Variants in MAF observed in about 807,000 individuals in gnomAD.
MAF encodes MAF bZIP transcription factor.
In MAF, 10 loss-of-function variants were observed where a neutral mutation model predicts 22.0. That is an observed-to-expected ratio of 0.45 (90% CI 0.28 to 0.77). The LOEUF (loss-of-function observed/expected upper bound fraction) is 0.77. MAF is among the 30% of genes least tolerant of loss of function. The pLI, the probability that MAF is intolerant of heterozygous loss-of-function variation, is 0.12. For synonymous variants in MAF, 337 were observed against 255.8 expected, an observed-to-expected ratio of 1.32 and a Z score of -3.03; for missense variants, 544 against 548.4, an observed-to-expected ratio of 0.99 and a Z score of 0.08.
At chr16:79,433,092 G>A in the MAF span, among the ~76,000 whole-genome samples, 7 of 152,102 alleles carry the variant, frequency 4.6e-5, no homozygotes, top group African/African-American at 7.2e-5. Context: ...CTGGGGCTCA[G>A]CAAAGCTACA....
chr16:79,559,928 G>C, the MAF span, among the ~76,000 whole-genome samples: 2 of 152,106 alleles, frequency 1.3e-5, no homozygotes, highest in Non-Finnish European at 2.9e-5. Flanking sequence ...TTTTGAGACA[G>C]GGTCTGGCTC....
the MAF span, among the ~76,000 whole-genome samples, chr16:79,513,058 G>A: frequency 2.8e-3 from 420 of 152,374 alleles, no homozygotes; most frequent in Non-Finnish European, 4.9e-3. Flanking sequence ...GCATAAAGTT[G>A]CCTGTAAGCA....
the MAF span, among the ~76,000 whole-genome samples, chr16:79,283,766 C>T: frequency 8.5e-5 from 13 of 152,158 alleles, no homozygotes; most frequent in East Asian, 1.9e-4. Flanking sequence ...AAGCACAGGC[C>T]GCACAGAACC....
the MAF span, among the ~76,000 whole-genome samples, chr16:79,333,802 C>A: frequency 1.3e-5 from 2 of 152,124 alleles, no homozygotes; most frequent in East Asian, 3.9e-4. Flanking sequence ...TGCTGGATCC[C>A]AGCATCTCAC....
At chr16:79,241,008 G>C in the MAF span, among the ~76,000 whole-genome samples, 2 of 152,018 alleles carry the variant, frequency 1.3e-5, no homozygotes, top group African/African-American at 4.8e-5. Context: ...TCAACAAAAA[G>C]ACATCCACTC....
the MAF span, among the ~76,000 whole-genome samples, chr16:79,248,967 T>A: frequency 6.6e-6 from 1 of 152,166 alleles, no homozygotes; most frequent in Admixed American, 6.5e-5. Flanking sequence ...AAAAATCTAC[T>A]CAGAATGCAC....
At chr16:79,433,933 G>A in the MAF span, among the ~76,000 whole-genome samples, 2 of 152,148 alleles carry the variant, frequency 1.3e-5, no homozygotes, top group Non-Finnish European at 2.9e-5. Context: ...ATGGGACATA[G>A]GCCACAGTCC....
chr16:79,455,264 T>C, the MAF span, among the ~76,000 whole-genome samples: 1 of 152,128 alleles, frequency 6.6e-6, no homozygotes. Flanking sequence ...GAAGAAAGCT[T>C]AGTATATGTT....
the MAF span, among the ~76,000 whole-genome samples, chr16:79,386,249 A>G: frequency 6.6e-5 from 10 of 152,030 alleles, no homozygotes; most frequent in Non-Finnish European, 1.3e-4. Context: ...CAATTATACA[A>G]CTCACCATAA....
chr16:79,345,684 C>T, the MAF span, among the ~76,000 whole-genome samples: 2 of 136,230 alleles, frequency 1.5e-5, no homozygotes, highest in Admixed American at 7.9e-5. Flanking sequence ...GCCAAGATCG[C>T]GCCACTGCAC....
the MAF span, among the ~76,000 whole-genome samples, chr16:79,536,893 G>A: frequency 2.0e-5 from 3 of 152,146 alleles, no homozygotes; most frequent in Admixed American, 2.0e-4. Flanking sequence ...GACCATTCAT[G>A]GATTTTGGTA....
chr16:79,541,662 G>GTTTTTT, the MAF span, among the ~76,000 whole-genome samples: 2 of 123,876 alleles, frequency 1.6e-5, no homozygotes, highest in Non-Finnish European at 1.7e-5. Context: ...GGTTTTTTTA[G>GTTTTTT]TTTTTTTTTT....
chr16:79,582,164 G>T (rs374853354), downstream of MAF, among the ~76,000 whole-genome samples: 3 of 152,260 alleles, frequency 2.0e-5, no homozygotes, highest in East Asian at 3.9e-4. Flanking sequence ...GGTGTCAGGA[G>T]AAGCCAAAAC....
chr16:79,254,071 T>C, the MAF span, among the ~76,000 whole-genome samples: 1 of 152,084 alleles, frequency 6.6e-6, no homozygotes, highest in African/African-American at 2.4e-5. Context: ...ATTTTTCTTA[T>C]TGTTTAAAAA....
At chr16:79,582,492 T>C (rs1165285752), downstream of MAF, among the ~76,000 whole-genome samples, 2 of 152,212 alleles carry the variant, frequency 1.3e-5, no homozygotes. Context: ...CAAGTTTATA[T>C]GGCATAATTA....
the MAF span, among the ~76,000 whole-genome samples, chr16:79,339,924 A>T: frequency 6.6e-6 from 1 of 152,172 alleles, no homozygotes; most frequent in Non-Finnish European, 1.5e-5. Context: ...AACTGCCATT[A>T]TTTAGCAAGT....
the MAF span, among the ~76,000 whole-genome samples, chr16:79,357,507 G>A: frequency 1.3e-5 from 2 of 152,156 alleles, no homozygotes; most frequent in East Asian, 3.9e-4. Flanking sequence ...TGAGCACTGT[G>A]CCTCTAGATC....
At chr16:79,225,940 A>T in the MAF span, among the ~76,000 whole-genome samples, 2 of 152,212 alleles carry the variant, frequency 1.3e-5, no homozygotes, top group African/African-American at 4.8e-5. Flanking sequence ...GAGAGTGTAA[A>T]TTAGTTCAAC....
At chr16:79,596,239 TTGAAAAC>T (rs1325555989) in intron 1 of MAF, 9 of 1,060,288 alleles carry the variant, frequency 8.5e-6, no homozygotes, top group African/African-American at 1.6e-5. Context: ...CTCAACTCAT[TTGAAAAC>T]TGAAAACTTT....
Sources: gnomAD v4.1 joint callset for allele counts (sites outside exome capture counted in the v4.1 genomes callset) on GRCh38, gnomAD v4.1.1 for gene constraint, MANE v1.5 for transcripts, NCBI Gene and HGNC (gene_info 2026-07-23, HGNC 2026-07-21) for gene names.